Variants in HPSE2 observed in about 807,000 individuals in gnomAD.
HPSE2 encodes the protein inactive heparanase-2.
Under a neutral mutation model 60.5 loss-of-function variants are expected in HPSE2, and 38 were observed. That is an observed-to-expected ratio of 0.63 (90% CI 0.48 to 0.82). The LOEUF is 0.82. Ranked by LOEUF, HPSE2 falls within the 40% of genes least tolerant of loss-of-function variation. The pLI, the probability that HPSE2 is intolerant of heterozygous loss-of-function variation, is 0.00. For missense variants in HPSE2, 713 were observed against 740.4 expected, an observed-to-expected ratio of 0.96 and a Z score of 0.43; for synonymous variants, 295 against 293.2, an observed-to-expected ratio of 1.01 and a Z score of -0.06.
chr10:99,207,033 T>C (rs1848772332), intron 2 of HPSE2, among the ~76,000 whole-genome samples: 1 of 152,092 alleles, frequency 6.6e-6, no homozygotes, highest in South Asian at 2.1e-4. Flanking sequence ...GAGAAAGATA[T>C]AAATATCCAG....
intron 4 of HPSE2, among the ~76,000 whole-genome samples, chr10:98,729,942 A>G (rs1056277596): frequency 5.3e-5 from 8 of 152,294 alleles, no homozygotes; most frequent in South Asian, 4.1e-4. Context: ...AAACGACTGG[A>G]TAAAAAAATC....
chr10:98,537,411 G>C (rs1943316398), intron 9 of HPSE2, among the ~76,000 whole-genome samples: 1 of 152,138 alleles, frequency 6.6e-6, no homozygotes, highest in Admixed American at 6.5e-5. Flanking sequence ...GTATAATAAA[G>C]AAAATAGTTA....
At chr10:99,120,484 T>A (rs543846947) in intron 3 of HPSE2, among the ~76,000 whole-genome samples, 2 of 151,984 alleles carry the variant, frequency 1.3e-5, no homozygotes, top group Non-Finnish European at 2.9e-5. Flanking sequence ...CTAATTTTTT[T>A]TTTTTTGAGA....
intron 3 of HPSE2, among the ~76,000 whole-genome samples, chr10:99,009,129 G>A (rs2135394231): frequency 1.3e-5 from 2 of 149,336 alleles, no homozygotes; most frequent in Middle Eastern, 7.0e-3. Context: ...ACTGAGGCCA[G>A]ACACAGTGGC....
At chr10:98,700,092 C>T (rs1367065898) in intron 5 of HPSE2, among the ~76,000 whole-genome samples, 2 of 150,932 alleles carry the variant, frequency 1.3e-5, no homozygotes, top group Non-Finnish European at 3.0e-5. Flanking sequence ...GATTCAATGC[C>T]ATCCCCATCA....
chr10:98,525,772 T>C (rs4917839), intron 9 of HPSE2, among the ~76,000 whole-genome samples: 51,642 of 152,002 alleles, frequency 0.34, 8,894 homozygotes, highest in East Asian at 0.42. Flanking sequence ...GGGCTGAGAC[T>C]GGCAGAAAGA....
chr10:98,986,356 C>T (rs564216991), intron 3 of HPSE2, among the ~76,000 whole-genome samples: 26 of 151,966 alleles, frequency 1.7e-4, no homozygotes, highest in African/African-American at 3.6e-4. Context: ...AACCACTCAA[C>T]TACATGGAAA....
intron 3 of HPSE2, among the ~76,000 whole-genome samples, chr10:98,967,893 G>C (rs1955853252): frequency 6.6e-6 from 1 of 151,972 alleles, no homozygotes. Flanking sequence ...GGGAATATCT[G>C]ACCAGTAAAG....
intron 3 of HPSE2, among the ~76,000 whole-genome samples, chr10:98,955,485 C>T (rs1209501867): frequency 6.6e-6 from 1 of 152,036 alleles, no homozygotes; most frequent in Non-Finnish European, 1.5e-5. Context: ...TGTGGAGAAA[C>T]AGGAATGGTT....
intron 2 of HPSE2, among the ~76,000 whole-genome samples, chr10:99,152,645 T>C (rs952261388): frequency 2.6e-5 from 4 of 152,210 alleles, no homozygotes; most frequent in African/African-American, 7.2e-5. Flanking sequence ...TTGTAATTTA[T>C]AAAAATTAAG....
chr10:98,459,180 GGCAGCA>G lies in HPSE2; in HGVS notation c.*388_*393del. ...TTTTCCTTCCTCATCTTCCTCTGAG[GGCAGCA>G]GCAGCAGCAGGCTAAGGTTTGGATT... On this transcript the variant is annotated 3_prime_UTR_variant, in exon 12 of 12. Coordinates refer to ENST00000370552, the MANE Select transcript of HPSE2 (RefSeq NM_021828.5). 3.8e-6 allele frequency: 1 copy of G among 264,894 alleles called. No homozygotes were observed. The highest frequency in any genetic ancestry group is 7.4e-6 in the Non-Finnish European group (1 of 134,418). 16.4% of individuals were successfully genotyped at this position (264,894 alleles called of 1,614,324 possible). A position where few individuals can be genotyped will look rare whatever the true frequency, so the allele number is the denominator to read the frequency against.
At chr10:99,313,613 T>TTC in the HPSE2 span, among the ~76,000 whole-genome samples, 3 of 142,036 alleles carry the variant, frequency 2.1e-5, no homozygotes, top group African/African-American at 7.9e-5. Flanking sequence ...TTTTTTTTTT[T>TTC]TTTTTGAGAC....
intron 2 of HPSE2, among the ~76,000 whole-genome samples, chr10:99,200,167 T>C (rs535702529): frequency 2.5e-4 from 38 of 152,004 alleles, no homozygotes; most frequent in African/African-American, 8.9e-4. Context: ...TTCAAAATGG[T>C]AAATTTTATA....
intron 9 of HPSE2, among the ~76,000 whole-genome samples, chr10:98,583,030 A>G (rs984756371): frequency 7.2e-5 from 11 of 152,100 alleles, no homozygotes; most frequent in Non-Finnish European, 4.4e-5. Flanking sequence ...AACGAAGACT[A>G]GGGGGGCATA....
chr10:98,704,847 T>A (rs1021904214), intron 5 of HPSE2, among the ~76,000 whole-genome samples: 2 of 152,190 alleles, frequency 1.3e-5, no homozygotes, highest in African/African-American at 4.8e-5. Flanking sequence ...GACATAGGCA[T>A]GGGCAAAGGC....
At chr10:98,610,858 C>T (rs751133836) in intron 9 of HPSE2, among the ~76,000 whole-genome samples, 1 of 152,116 alleles carries the variant, frequency 6.6e-6, no homozygotes, top group Admixed American at 6.5e-5. Context: ...AAGAAGATGT[C>T]GACTAGTAAT....
intron 9 of HPSE2, among the ~76,000 whole-genome samples, chr10:98,611,364 A>C (rs914041797): frequency 7.9e-5 from 12 of 152,184 alleles, no homozygotes; most frequent in Non-Finnish European, 1.5e-4. Context: ...AACTGGGATT[A>C]AAGTTGACTG....
chr10:99,247,402 C>T, the HPSE2 span, among the ~76,000 whole-genome samples: 5 of 152,148 alleles, frequency 3.3e-5, no homozygotes, highest in South Asian at 4.1e-4. Flanking sequence ...AAGTTCTGAA[C>T]ATGGAAATGA....
the HPSE2 span, among the ~76,000 whole-genome samples, chr10:99,292,791 T>C: frequency 1.3e-5 from 2 of 152,184 alleles, no homozygotes; most frequent in Non-Finnish European, 2.9e-5. Flanking sequence ...TATTTGCACA[T>C]CTCAATTTGC....
Sources: allele counts gnomAD v4.1 joint callset (sites outside exome capture counted in the v4.1 genomes callset), GRCh38; gene constraint gnomAD v4.1.1; transcripts MANE v1.5; gene names NCBI Gene and HGNC (gene_info 2026-07-23, HGNC 2026-07-21).